The following HSD17B12 variants were observed in gnomAD, a reference collection of about 807,000 sequenced individuals.
The protein encoded by HSD17B12 is hydroxysteroid 17-beta dehydrogenase 12.
A neutral mutation model predicts 39.3 loss-of-function variants in HSD17B12; 32 were observed. That is an observed-to-expected ratio of 0.81 (90% CI 0.61 to 1.09). The LOEUF is 1.09. Among genes scored for constraint, HSD17B12 ranks in the 50% least tolerant of loss-of-function variants. The pLI, the probability that HSD17B12 is intolerant of heterozygous loss-of-function variation, is 0.00. For synonymous variants in HSD17B12, 150 were observed against 146.7 expected, an observed-to-expected ratio of 1.02 and a Z score of -0.16; for missense variants, 342 against 382.9, an observed-to-expected ratio of 0.89 and a Z score of 0.89.
chr11:43,842,474 C>T lies in HSD17B12; in HGVS notation c.684+2410C>T, dbSNP rs554208255. Among the ~76,000 whole-genome samples, 161 of 152,270 alleles carry T rather than the reference C, an allele frequency of 1.1e-3. 1 individual carries two copies. Among genetic ancestry groups the T allele is most frequent in the Non-Finnish European group, 2.1e-3 (145 of 68,024 alleles). On this transcript the variant is annotated intron_variant, in intron 9 of 10. Coordinates refer to ENST00000278353, the MANE Select transcript of HSD17B12 (RefSeq NM_016142.3). ...GCTTCCCATATGTATAGGTTTCATT[C>T]GGAAGGACATGTGTTCTAGAATCCT...
the HSD17B12 span, among the ~76,000 whole-genome samples, chr11:43,665,759 G>A: frequency 5.3e-5 from 8 of 151,964 alleles, no homozygotes; most frequent in South Asian, 2.1e-4. Flanking sequence ...CTCTACACAC[G>A]CACACACGCG....
the HSD17B12 span, among the ~76,000 whole-genome samples, chr11:43,625,735 G>GA: frequency 1.3e-5 from 2 of 151,120 alleles, no homozygotes; most frequent in Non-Finnish European, 3.0e-5. Flanking sequence ...GCTTACTCTT[G>GA]ATATCTGGGT....
In HSD17B12 at chr11:43,840,025, C is replaced by T. The variant is rs762754148; in HGVS notation, c.645C>T (p.Cys215=). Residue 215 remains cysteine (C), a synonymous_variant, in exon 9 of 11, where the codon TGC becomes TGT. Transcript: ENST00000278353. ...CTTTTGTAGATTTCTTCTCTCAGTG[C>T]CTCCATGAGGAGTATAGGAGCAAGG... ...TKTFVDFFSQ[C]LHEEYRSKGV... 6.2e-7 allele frequency: 1 copy of T among 1,612,518 alleles called. No individual in the cohort carries two copies. Among genetic ancestry groups the T allele is most frequent in the South Asian group, 1.1e-5 (1 of 90,964 alleles).
upstream of HSD17B12, among the ~76,000 whole-genome samples, chr11:43,680,300 A>C (rs1949728114): frequency 6.6e-6 from 1 of 152,080 alleles, no homozygotes; most frequent in South Asian, 2.1e-4. Context: ...TCGGACTCCT[A>C]AGCTCAAGCG....
At chr11:43,784,013 C>T (rs1950792201) in intron 3 of HSD17B12, among the ~76,000 whole-genome samples, 2 of 152,106 alleles carry the variant, frequency 1.3e-5, no homozygotes, top group Non-Finnish European at 1.5e-5. Context: ...GAGCCACAGA[C>T]AAAACTCCTC....
the HSD17B12 span, among the ~76,000 whole-genome samples, chr11:43,632,859 G>C: frequency 4.6e-5 from 7 of 152,090 alleles, no homozygotes; most frequent in African/African-American, 1.4e-4. Flanking sequence ...GCTGAGAGTG[G>C]ATGGGCATGC....
chr11:43,788,318 A>G (rs955962640), intron 3 of HSD17B12, among the ~76,000 whole-genome samples: 1 of 152,020 alleles, frequency 6.6e-6, no homozygotes, highest in South Asian at 2.1e-4. Context: ...TCATATGATT[A>G]AAAAAAATGC....
At chr11:43,578,514 C>T in the HSD17B12 span, among the ~76,000 whole-genome samples, 2 of 152,192 alleles carry the variant, frequency 1.3e-5, no homozygotes, top group African/African-American at 4.8e-5. Context: ...AACGCTGCAA[C>T]CCACACTTTG....
the HSD17B12 span, among the ~76,000 whole-genome samples, chr11:43,656,219 G>A: frequency 2.0e-5 from 3 of 152,102 alleles, no homozygotes; most frequent in Admixed American, 2.0e-4. Flanking sequence ...TTCTCTGATG[G>A]TAGTTTGTAT....
chr11:43,697,189 CAAAA>C (rs1302814709), intron 1 of HSD17B12, among the ~76,000 whole-genome samples: 1 of 151,996 alleles, frequency 6.6e-6, no homozygotes, highest in African/African-American at 2.4e-5. Flanking sequence ...AACAAACAAA[CAAAA>C]AGAAAGCCAT....
the HSD17B12 span, among the ~76,000 whole-genome samples, chr11:43,665,258 G>A: frequency 5.3e-5 from 8 of 152,028 alleles, no homozygotes; most frequent in African/African-American, 1.4e-4. Flanking sequence ...TTATTTAGTC[G>A]CCTAGGCTGG....
At chr11:43,717,474 C>G (rs920590312) in intron 1 of HSD17B12, among the ~76,000 whole-genome samples, 2 of 152,136 alleles carry the variant, frequency 1.3e-5, no homozygotes, top group African/African-American at 4.8e-5. Context: ...TATCCTAAAA[C>G]TTAGTGATTA....
chr11:43,734,180 G>C, intron 1 of HSD17B12: 1 of 1,572,274 alleles, frequency 6.4e-7, no homozygotes, highest in Non-Finnish European at 8.6e-7. Flanking sequence ...CACCCAGAGA[G>C]AGCTGGTCTC....
intron 4 of HSD17B12, among the ~76,000 whole-genome samples, chr11:43,813,282 AT>A (rs544793048): frequency 6.6e-6 from 1 of 152,036 alleles, no homozygotes; most frequent in Non-Finnish European, 1.5e-5. Flanking sequence ...AAGTTCCTAG[AT>A]TTTTTTTAAA....
At chr11:43,808,628 G>A (rs1377340578) in intron 4 of HSD17B12, among the ~76,000 whole-genome samples, 1 of 152,132 alleles carries the variant, frequency 6.6e-6, no homozygotes, top group Non-Finnish European at 1.5e-5. Flanking sequence ...CCAATTTTAT[G>A]TATAGCAAAT....
At chr11:43,657,392 C>T in the HSD17B12 span, among the ~76,000 whole-genome samples, 134,667 of 152,166 alleles carry the variant, frequency 0.89, 61,133 homozygotes, top group Non-Finnish European at 0.98. Context: ...GAGCATTTAG[C>T]GCATTTACAT....
chr11:43,594,054 A>AT, the HSD17B12 span, among the ~76,000 whole-genome samples: 2 of 152,096 alleles, frequency 1.3e-5, no homozygotes, highest in African/African-American at 4.8e-5. Context: ...AAAAATATTT[A>AT]TTTTTTTCCA....
chr11:43,557,809 T>C, the HSD17B12 span, among the ~76,000 whole-genome samples: 1 of 152,046 alleles, frequency 6.6e-6, no homozygotes, highest in African/African-American at 2.4e-5. Flanking sequence ...AGCCAGGGTC[T>C]GTCAGTCTGG....
the HSD17B12 span, among the ~76,000 whole-genome samples, chr11:43,569,086 T>C: frequency 6.6e-6 from 1 of 152,174 alleles, no homozygotes; most frequent in African/African-American, 2.4e-5. Context: ...TCACATTGGT[T>C]CTTACTGGGG....
Sources: allele counts gnomAD v4.1 joint callset (sites outside exome capture counted in the v4.1 genomes callset), GRCh38; gene constraint gnomAD v4.1.1; transcripts MANE v1.5; gene names NCBI Gene and HGNC (gene_info 2026-07-23, HGNC 2026-07-21).